MTMR12: variants seen among roughly 807,000 people sequenced by gnomAD.
MTMR12 encodes myotubularin-related protein 12.
Under a neutral mutation model 96.7 loss-of-function variants are expected in MTMR12, and 33 were observed. The ratio of observed to expected loss-of-function variants is 0.34; its 90% confidence interval spans 0.26 to 0.46. The LOEUF is 0.46. Among genes scored for constraint, MTMR12 ranks in the 20% least tolerant of loss-of-function variants. The pLI is 1.00. For missense variants in MTMR12, 721 were observed against 896.1 expected (o/e 0.80, Z 2.49); for synonymous variants, 298 against 327.2 (o/e 0.91, Z 0.96).
At chr5:32,255,889 C>T in intron 7 of MTMR12, 121 bp from the exon 8 acceptor site, 2 of 821,052 alleles carry the variant, frequency 2.4e-6, no homozygotes, top group East Asian at 3.0e-5. Flanking sequence ...CCATATTTCC[C>T]TGTTCAGAAC....
Position 32,248,124 on chromosome 5 carries a change from A to G in MTMR12, c.899T>C (p.Ile300Thr), listed in dbSNP as rs763130326. The G allele has an allele frequency of 1.2e-6, 2 of 1,612,674 alleles. No homozygotes were observed. The highest frequency in any genetic ancestry group is 1.7e-5 in the Admixed American group (1 of 59,708). ...LQIQKSFLDG[I>T]YKTIHRPPYE... ...GGGTGGCCTGTGGATGGTCTTGTAA[A>G]TTCTAGGTATCAAAAAGGAATATGA... The change falls in exon 10 of 16, where the codon ATT (isoleucine) becomes ACT (threonine). Residue 300 changes from isoleucine (I) to threonine (T), a missense_variant and splice_region_variant. By Grantham distance (89) the Ile-to-Thr change is moderately conservative (BLOSUM62 -1). Coordinates refer to ENST00000382142, the MANE Select transcript of MTMR12 (RefSeq NM_001040446.3).
intron 6 of MTMR12, among the ~76,000 whole-genome samples, chr5:32,266,652 C>A (rs1445631768): frequency 1.3e-5 from 2 of 151,044 alleles, no homozygotes; most frequent in East Asian, 3.9e-4. Flanking sequence ...CCCGCCACTG[C>A]ACTCCAGCCT....
intron 1 of MTMR12, among the ~76,000 whole-genome samples, chr5:32,297,899 G>A (rs1202053424): frequency 1.3e-5 from 2 of 152,170 alleles, no homozygotes; most frequent in Non-Finnish European, 2.9e-5. Context: ...AAGACGGTTG[G>A]CAAGCTTGAT....
Position 32,229,615 on chromosome 5 carries a change from A to G in MTMR12, c.*163T>C, listed in dbSNP as rs980231553. 2.2e-5 allele frequency: 12 copies of G among 542,168 alleles called. No individual in the cohort carries two copies. In the East Asian group the frequency reaches 2.6e-4, roughly 12 times the overall value. The allele number at this position is 542,168 out of a possible 1,614,324, so 33.6% of individuals were successfully genotyped here. A position where few individuals can be genotyped will look rare whatever the true frequency, so the allele number is the denominator to read the frequency against. ...TTTAATTGCATAGTCTTTTAGAATC[A>G]TGAAAAATAATGAGAGCCACCTCTT... is the stretch of plus-strand genomic sequence containing the variant. On this transcript the variant is annotated 3_prime_UTR_variant, in exon 16 of 16. Transcript: ENST00000382142.
chr5:32,231,366 C>G (rs1271901686), intron 15 of MTMR12, among the ~76,000 whole-genome samples: 1 of 110,478 alleles, frequency 9.1e-6, no homozygotes, highest in African/African-American at 3.9e-5. Flanking sequence ...GCAATGACAG[C>G]AAAACTCTGG....
chr5:32,271,922 G>A lies in MTMR12; in HGVS notation c.286-17C>T, dbSNP rs1418507282. 3 of 1,441,640 alleles carry A rather than the reference G, an allele frequency of 2.1e-6. No homozygotes were observed. In the South Asian group the frequency reaches 3.7e-5, roughly 18 times the overall value. The allele number at this position is 1,441,640 out of a possible 1,614,324, so 89.3% of individuals were successfully genotyped here. Reference sequence around the variant, plus strand: ...TTGAGTTTCCTAGAAGATTCAAAAGGAAACAACTGTGACTCCTCTGCATAC... The same window carrying A: ...TTGAGTTTCCTAGAAGATTCAAAAGAAAACAACTGTGACTCCTCTGCATAC... On this transcript the variant is annotated splice_polypyrimidine_tract_variant and intron_variant, in intron 3 of 15. Transcript: ENST00000382142.
chr5:32,267,885 G>T (rs1472582921), intron 6 of MTMR12, among the ~76,000 whole-genome samples: 1 of 152,038 alleles, frequency 6.6e-6, no homozygotes, highest in Non-Finnish European at 1.5e-5. Context: ...CCAGGCCGGA[G>T]TGCAGTGGTG....
At chr5:32,280,837 A>G (rs1047271584) in intron 1 of MTMR12, among the ~76,000 whole-genome samples, 13 of 152,220 alleles carry the variant, frequency 8.5e-5, no homozygotes, top group African/African-American at 2.9e-4. Context: ...AGATACATAC[A>G]TAACTTCGGT....
intron 12 of MTMR12, among the ~76,000 whole-genome samples, chr5:32,239,962 T>C (rs1025644009): frequency 1.3e-5 from 2 of 152,204 alleles, no homozygotes; most frequent in African/African-American, 4.8e-5. Context: ...ATCCGTGCAT[T>C]TGTCTTAAGA....
At chr5:32,304,302 A>G (rs922392849) in intron 1 of MTMR12, among the ~76,000 whole-genome samples, 11 of 152,056 alleles carry the variant, frequency 7.2e-5, no homozygotes, top group Non-Finnish European at 1.3e-4. Context: ...CCTGGGAGAC[A>G]GAGTGAGACT....
At chr5:32,232,500 A>AG in intron 15 of MTMR12, among the ~76,000 whole-genome samples, 1 of 152,198 alleles carries the variant, frequency 6.6e-6, no homozygotes. Flanking sequence ...CATTATTGGA[A>AG]GGGGGAGCCT....
intron 1 of MTMR12, among the ~76,000 whole-genome samples, chr5:32,293,531 G>C (rs1750819164): frequency 6.6e-6 from 1 of 152,118 alleles, no homozygotes; most frequent in Non-Finnish European, 1.5e-5. Context: ...GATCATGTAA[G>C]TTAATACTTA....
At position 32,227,045 on chromosome 5, in the gene MTMR12, T is replaced by C. The variant is rs1477725362; in HGVS notation, c.*2733A>G. ...GTGCTTTAATTTCTGCAATCAGATA[T>C]GATGCAGTGAGATACAAGTATAAAC... On this transcript the variant is annotated 3_prime_UTR_variant, in exon 16 of 16. Coordinates refer to ENST00000382142, the MANE Select transcript of MTMR12 (RefSeq NM_001040446.3). 6.6e-6 allele frequency: 1 copy of C among 152,670 alleles called. No homozygotes were observed. Among genetic ancestry groups the C allele is most frequent in the Non-Finnish European group, 1.5e-5 (1 of 68,046 alleles). 9.5% of individuals were successfully genotyped at this position (152,670 alleles called of 1,614,324 possible). A position where few individuals can be genotyped will look rare whatever the true frequency, so the allele number is the denominator to read the frequency against.
chr5:32,311,789 C>T (rs905322035), intron 1 of MTMR12, among the ~76,000 whole-genome samples: 2 of 152,206 alleles, frequency 1.3e-5, no homozygotes, highest in Non-Finnish European at 2.9e-5. Context: ...ACACTCCCAC[C>T]TCACGACCTT....
In MTMR12 at chr5:32,302,925, T is replaced by G. The variant is rs6887665; in HGVS notation, c.81+9833A>C. On this transcript the variant is annotated intron_variant, in intron 1 of 15. Coordinates refer to ENST00000382142, the MANE Select transcript of MTMR12 (RefSeq NM_001040446.3). ...AAACTTTTAGAGATAGCAAAAAATT[T>G]TCTAAGAAAGAGTTACCACACAAGG... is the stretch of plus-strand genomic sequence containing the variant. Among the ~76,000 whole-genome samples, 303 of 152,264 alleles carry G rather than the reference T, an allele frequency of 2.0e-3. 1 individual carries two copies. The highest frequency in any genetic ancestry group is 6.8e-3 in the African/African-American group (282 of 41,566).
At chr5:32,279,725 G>A (rs571504500) in intron 1 of MTMR12, among the ~76,000 whole-genome samples, 1 of 152,206 alleles carries the variant, frequency 6.6e-6, no homozygotes, top group East Asian at 1.9e-4. Flanking sequence ...ACCTGGCAGG[G>A]GGGCAGGGGA....
intron 10 of MTMR12, 200 bp downstream of exon 10, chr5:32,247,802 A>T (rs2112019685): frequency 1.0e-6 from 1 of 985,130 alleles, no homozygotes; most frequent in South Asian, 4.7e-5. Flanking sequence ...CACAATAAGG[A>T]GGCGGGGAGG....
At chr5:32,305,880 G>A (rs1751339497) in intron 1 of MTMR12, among the ~76,000 whole-genome samples, 1 of 150,646 alleles carries the variant, frequency 6.6e-6, no homozygotes, top group African/African-American at 2.4e-5. Flanking sequence ...TCCAGCCTGG[G>A]CAACAAGAGT....
chr5:32,311,790 T>A (rs1423863194), intron 1 of MTMR12, among the ~76,000 whole-genome samples: 1 of 152,144 alleles, frequency 6.6e-6, no homozygotes, highest in Non-Finnish European at 1.5e-5. Context: ...CACTCCCACC[T>A]CACGACCTTC....
Sources: allele counts gnomAD v4.1 joint callset (sites outside exome capture counted in the v4.1 genomes callset), GRCh38; gene constraint gnomAD v4.1.1; transcripts MANE v1.5; gene names NCBI Gene and HGNC (gene_info 2026-07-23, HGNC 2026-07-21).